Variants in DOCK4 observed in about 807,000 individuals in gnomAD.
DOCK4 encodes the protein dedicator of cytokinesis protein 4.
A neutral mutation model predicts 268.1 loss-of-function variants in DOCK4; 97 were observed. That is an observed-to-expected ratio of 0.36 (90% CI 0.31 to 0.43). DOCK4 has a LOEUF of 0.43. DOCK4 is among the 20% of genes least tolerant of loss of function. The pLI is 1.00. For missense variants in DOCK4, 2,145 were observed against 2,455.7 expected (o/e 0.87, Z 2.67); for synonymous variants, 954 against 887.2 (o/e 1.08, Z -1.34).
intron 12 of DOCK4, 66 bp from the exon 13 acceptor site, chr7:111,915,970 G>A: frequency 2.6e-6 from 4 of 1,520,978 alleles, no homozygotes; most frequent in Non-Finnish European, 2.7e-6. Context: ...AAACTGATGT[G>A]TTGCAACAAG....
intron 44 of DOCK4, among the ~76,000 whole-genome samples, chr7:111,742,408 T>C (rs1212588759): frequency 6.6e-6 from 1 of 152,196 alleles, no homozygotes; most frequent in Non-Finnish European, 1.5e-5. Flanking sequence ...ATTTTAGATC[T>C]ATAATTATAA....
intron 1 of DOCK4, among the ~76,000 whole-genome samples, chr7:112,057,819 T>G (rs1805972442): frequency 6.6e-6 from 1 of 151,620 alleles, no homozygotes; most frequent in Non-Finnish European, 1.5e-5. Context: ...GCACATTTAA[T>G]CACACTGCTC....
chr7:112,098,796 T>A (rs1480153357), intron 1 of DOCK4, among the ~76,000 whole-genome samples: 1 of 148,490 alleles, frequency 6.7e-6, no homozygotes, highest in Non-Finnish European at 1.5e-5. Flanking sequence ...ATATCTAAAT[T>A]ATATCTCATG....
chr7:111,752,346 T>C (rs10234914), intron 42 of DOCK4, among the ~76,000 whole-genome samples: 47,373 of 151,830 alleles, frequency 0.31, 7,878 homozygotes, highest in South Asian at 0.49. Context: ...GGAAAGCAAA[T>C]CTTTTAGGAG....
chr7:112,068,992 T>C (rs1422173721), intron 1 of DOCK4, among the ~76,000 whole-genome samples: 2 of 152,176 alleles, frequency 1.3e-5, no homozygotes, highest in African/African-American at 4.8e-5. Context: ...CCAACTTCTA[T>C]CTCTAATTCT....
At chr7:111,885,523 G>T (rs1807769040) in intron 16 of DOCK4, among the ~76,000 whole-genome samples, 1 of 152,234 alleles carries the variant, frequency 6.6e-6, no homozygotes. Flanking sequence ...TGTTATGGCA[G>T]ATGTATGCTG....
At chr7:112,101,444 G>A (rs574118121) in intron 1 of DOCK4, among the ~76,000 whole-genome samples, 1 of 152,252 alleles carries the variant, frequency 6.6e-6, no homozygotes, top group East Asian at 1.9e-4. Flanking sequence ...TACTTTTATG[G>A]CAAAAGACAA....
chr7:112,125,965 T>C (rs2115994781), intron 1 of DOCK4, among the ~76,000 whole-genome samples: 1 of 152,170 alleles, frequency 6.6e-6, no homozygotes, highest in East Asian at 1.9e-4. Flanking sequence ...TGCACCACCA[T>C]GCATGACTAA....
In DOCK4 at chr7:111,728,441, G is replaced by A. The variant is rs769652964; in HGVS notation, c.5761C>T (p.Arg1921Cys). ...AGGCTGTGAGGTAGCGGGACGGGGC[G>A]CCGCAGAGTCCGCTCGTAGACGCTG... ...PYSVYERTLRRPVPLPHSLSI... is the reference protein window; with the variant it reads ...PYSVYERTLRCPVPLPHSLSI... The change falls in exon 53 of 53, where the codon CGC becomes TGC. Residue 1921 changes from arginine to cysteine, a missense_variant. Around this residue, in one of 2 missense-constraint regions of DOCK4, gnomAD observed 547 missense variants for 469.0 expected, o/e 1.17. Coordinates refer to ENST00000428084, the MANE Select transcript of DOCK4 (RefSeq NM_001363540.2). The A allele has an allele frequency of 3.8e-6, 6 of 1,598,168 alleles. No individual in the cohort carries two copies. Among genetic ancestry groups the A allele is most frequent in the African/African-American group, 2.7e-5 (2 of 74,806 alleles).
At chr7:111,765,044 T>C in intron 39 of DOCK4, 74 bp downstream of exon 39, 1 of 679,756 alleles carries the variant, frequency 1.5e-6, no homozygotes. Context: ...TAAAATGTCA[T>C]TAACATCTTA....
chr7:111,980,824 A>G (rs532250725), intron 7 of DOCK4, among the ~76,000 whole-genome samples: 1 of 152,384 alleles, frequency 6.6e-6, no homozygotes, highest in African/African-American at 2.4e-5. Context: ...AGAATTGCAG[A>G]GTAAGCAGAT....
rs1290309729 is a variant in DOCK4 at position 111,825,088 on chromosome 7, C to A, written c.2836-2632G>T. 2.6e-5 allele frequency among the ~76,000 whole-genome samples: 4 copies of A among 151,982 alleles called. 1 individual carries two copies. The East Asian group carries it at 7.7e-4, about 29-fold the overall frequency. ...GTTTAACCTCTCTGGGAGTGAGTTC[C>A]CATACTTGTAAAATGTGGGGGCTTT... On this transcript the variant is annotated intron_variant, in intron 26 of 52. Coordinates refer to ENST00000428084, the MANE Select transcript of DOCK4 (RefSeq NM_001363540.2).
chr7:112,144,627 A>G (rs1416976334), intron 1 of DOCK4, among the ~76,000 whole-genome samples: 1 of 152,204 alleles, frequency 6.6e-6, no homozygotes, highest in Non-Finnish European at 1.5e-5. Flanking sequence ...GGCAGTGGCA[A>G]CAGAGCTTTG....
intron 36 of DOCK4, among the ~76,000 whole-genome samples, chr7:111,775,690 G>A (rs540005074): frequency 1.4e-3 from 209 of 152,304 alleles, no homozygotes; most frequent in South Asian, 2.5e-3. Context: ...GGGGTGAAGC[G>A]CTGTAGACAT....
intron 25 of DOCK4, among the ~76,000 whole-genome samples, chr7:111,840,277 G>A (rs898974657): frequency 4.6e-5 from 7 of 152,114 alleles, no homozygotes; most frequent in Admixed American, 1.3e-4. Context: ...ACCACAAACC[G>A]ACATCACATG....
chr7:111,823,471 G>T lies in DOCK4; in HGVS notation c.2836-1015C>A, dbSNP rs376865615. Among the ~76,000 whole-genome samples, 9 of 152,196 alleles carry T rather than the reference G, an allele frequency of 5.9e-5. No individual in the cohort carries two copies. In the East Asian group the frequency reaches 1.4e-3, roughly 23 times the overall value. On this transcript the variant is annotated intron_variant, in intron 26 of 52. Coordinates refer to ENST00000428084, the MANE Select transcript of DOCK4 (RefSeq NM_001363540.2). ...GATCCGCCCACCTCGGCCTCCCAAA[G>T]TGCTGGGATTCCAGGCATGAGCCAC... is the stretch of plus-strand genomic sequence containing the variant.
In DOCK4 at chr7:111,851,934, CCTCTCTCT is replaced by C. The variant is rs147425513; in HGVS notation, c.2474-4816_2474-4809del. Among the ~76,000 whole-genome samples, 7 of 144,728 alleles carry C rather than the reference CCTCTCTCT, an allele frequency of 4.8e-5. No homozygotes were observed. The South Asian group carries it at 1.1e-3, about 23-fold the overall frequency. The allele number at this position is 144,728 out of a possible 152,430, so 94.9% of individuals were successfully genotyped here. On this transcript the variant is annotated intron_variant, in intron 23 of 52. Coordinates refer to ENST00000428084, the MANE Select transcript of DOCK4 (RefSeq NM_001363540.2). ...TAAAGCATCCACAACTGTGAAAGTG[CCTCTCTCT>C]CTCTCTCTCTCCTTCCTTTTTTTTT...
chr7:112,034,249 T>A (rs1803538334), intron 1 of DOCK4, among the ~76,000 whole-genome samples: 1 of 152,186 alleles, frequency 6.6e-6, no homozygotes, highest in Non-Finnish European at 1.5e-5. Flanking sequence ...AAAAAATTTT[T>A]AAATATCTTT....
At chr7:111,889,044 T>C (rs1808074668) in intron 16 of DOCK4, among the ~76,000 whole-genome samples, 1 of 152,128 alleles carries the variant, frequency 6.6e-6, no homozygotes, top group African/African-American at 2.4e-5. Context: ...CAGTATGAAC[T>C]GGTTAGCATT....
Sources: allele counts gnomAD v4.1 joint callset (sites outside exome capture counted in the v4.1 genomes callset), GRCh38; gene constraint gnomAD v4.1.1; regional missense constraint gnomAD v4.1.1; transcripts MANE v1.5; gene names NCBI Gene and HGNC (gene_info 2026-07-23, HGNC 2026-07-21).